Variants in COL4A6 observed in about 807,000 individuals in gnomAD.
The protein encoded by COL4A6 is collagen alpha-6(IV) chain.
In COL4A6, 59 loss-of-function variants were observed where a neutral mutation model predicts 126.7. That is an observed-to-expected ratio of 0.47 (90% confidence interval 0.38 to 0.58). The LOEUF is 0.58. Ranked by LOEUF, COL4A6 falls within the 20% of genes least tolerant of loss-of-function variation. COL4A6 has a pLI of 0.00. For missense variants in COL4A6, 1,285 were observed against 1,337.3 expected, an observed-to-expected ratio of 0.96 and a Z score of 0.61; for synonymous variants, 547 against 496.6, an observed-to-expected ratio of 1.10 and a Z score of -1.35.
intron 2 of COL4A6, among the ~76,000 whole-genome samples, chrX:108,380,859 T>C (rs1031839686): frequency 8.9e-6 from 1 of 111,940 alleles, no homozygotes; most frequent in African/African-American, 3.2e-5. Flanking sequence ...TCCTCATCTG[T>C]AAAAAGAGGA....
At chrX:108,342,910 T>C (rs1306363643) in intron 2 of COL4A6, among the ~76,000 whole-genome samples, 1 of 109,291 alleles carries the variant, frequency 9.1e-6, no homozygotes, top group African/African-American at 3.3e-5. Flanking sequence ...CTGCATTATC[T>C]ACTGGGGATA....
intron 23 of COL4A6, chrX:108,183,837 T>A: frequency 1.4e-6 from 1 of 728,918 alleles, no homozygotes; most frequent in Non-Finnish European, 1.8e-6. Flanking sequence ...CCAAGGGAAG[T>A]CTTCTCAGCA....
chrX:108,212,355 G>T (rs941075897), intron 6 of COL4A6, among the ~76,000 whole-genome samples: 2 of 111,347 alleles, frequency 1.8e-5, no homozygotes, highest in Non-Finnish European at 3.8e-5. Context: ...CAGATTCAAA[G>T]TCTGTCTAAG....
chrX:108,350,772 AT>A (rs143895014), intron 2 of COL4A6, among the ~76,000 whole-genome samples: 42 of 107,315 alleles, frequency 3.9e-4, no homozygotes, highest in African/African-American at 1.2e-3. Flanking sequence ...TCTGTAATTG[AT>A]TTTTTTTTTG....
At chrX:108,355,567 C>T (rs1405818639) in intron 2 of COL4A6, among the ~76,000 whole-genome samples, 1 of 111,920 alleles carries the variant, frequency 8.9e-6, no homozygotes. Context: ...AAATAAAAAA[C>T]TAGATAATTA....
At chrX:108,369,127 G>T (rs374831422) in intron 2 of COL4A6, among the ~76,000 whole-genome samples, 1 of 111,469 alleles carries the variant, frequency 9.0e-6, no homozygotes, top group African/African-American at 3.3e-5. Context: ...CAGTGCAATA[G>T]CTTTGTTTAC....
intron 3 of COL4A6, among the ~76,000 whole-genome samples, chrX:108,277,607 C>T (rs1165032886): frequency 7.4e-4 from 83 of 112,243 alleles, no homozygotes; most frequent in Non-Finnish European, 1.1e-3. Context: ...CAGACTTAAA[C>T]GTCCCTGTCT....
chrX:108,171,549 T>C, intron 32 of COL4A6, 88 bp from the exon 33 acceptor site: 4 of 794,554 alleles, frequency 5.0e-6, no homozygotes, highest in Non-Finnish European at 7.4e-6. Flanking sequence ...ATTTTTTTTT[T>C]CAGATTCAGT....
intron 3 of COL4A6, among the ~76,000 whole-genome samples, chrX:108,302,175 A>G (rs1478337462): frequency 1.8e-5 from 2 of 111,257 alleles, no homozygotes; most frequent in Non-Finnish European, 1.9e-5. Flanking sequence ...TCTCTCCCCC[A>G]TATATTAATG....
At chrX:108,403,685 G>C (rs2041144280) in intron 2 of COL4A6, among the ~76,000 whole-genome samples, 1 of 110,871 alleles carries the variant, frequency 9.0e-6, no homozygotes, top group Non-Finnish European at 1.9e-5. Flanking sequence ...CTCATCTTTG[G>C]AATATATCCC....
At chrX:108,250,173 TCCAATTC>T (rs1340570672) in intron 3 of COL4A6, among the ~76,000 whole-genome samples, 2 of 111,129 alleles carry the variant, frequency 1.8e-5, no homozygotes, top group South Asian at 7.8e-4. Flanking sequence ...CTAAACAATT[TCCAATTC>T]GCTTTAATGT....
At chrX:108,286,655 C>T (rs2038013674) in intron 3 of COL4A6, among the ~76,000 whole-genome samples, 2 of 111,472 alleles carry the variant, frequency 1.8e-5, no homozygotes, top group Non-Finnish European at 3.8e-5. Context: ...CACTGCAGCC[C>T]TGAGCTCCTG....
At chrX:108,195,816 G>A (rs908679582) in intron 14 of COL4A6, among the ~76,000 whole-genome samples, 2 of 111,251 alleles carry the variant, frequency 1.8e-5, no homozygotes, top group East Asian at 2.8e-4. Flanking sequence ...GACAAGGAGC[G>A]GGGGAAAGTA....
intron 3 of COL4A6, among the ~76,000 whole-genome samples, chrX:108,241,073 C>T (rs185193838): frequency 1.2e-3 from 130 of 110,394 alleles, no homozygotes; most frequent in Middle Eastern, 4.7e-3. Flanking sequence ...GTTAACTTTA[C>T]GCTTATGATT....
intron 2 of COL4A6, among the ~76,000 whole-genome samples, chrX:108,376,983 GA>G: frequency 8.9e-6 from 1 of 112,497 alleles, no homozygotes; most frequent in East Asian, 2.8e-4. Flanking sequence ...GGGCCCAGGG[GA>G]CCAGCGTTCA....
intron 11 of COL4A6, among the ~76,000 whole-genome samples, 181 bp downstream of exon 11, chrX:108,205,258 T>C (rs1319991123): frequency 2.7e-5 from 3 of 111,316 alleles, no homozygotes; most frequent in African/African-American, 9.8e-5. Flanking sequence ...CAATAGCCCA[T>C]GTGTGGCATG....
intron 6 of COL4A6, 64 bp downstream of exon 6, chrX:108,214,048 A>C (rs1288616822): frequency 1.0e-6 from 1 of 988,338 alleles, no homozygotes; most frequent in Non-Finnish European, 1.4e-6. Flanking sequence ...GAGAGGCAGA[A>C]AAAGGGCACA....
In COL4A6 at chrX:108,204,374, T is replaced by G. The variant is rs149989161; in HGVS notation, c.726A>C (p.Pro242=). The G allele has an allele frequency of 4.9e-5, 59 of 1,205,945 alleles. No individual in the cohort carries two copies. The African/African-American group carries it at 6.1e-4, about 12-fold the overall frequency. Residue 242 remains proline (P), a synonymous_variant, in exon 12 of 45, where the codon CCA becomes CCC. Transcript: ENST00000334504. The part of the protein sequence containing the change: ...VGLPGPAGPP[P]STGELEFMGF... ...CCATGAATTCCAGCTCTCCAGTAGA[T>G]GGTGGAGGTCCTGCTGGGCCAGGGA...
chrX:108,162,455 AAAGAAGAAGAAG>A (rs201067756), intron 41 of COL4A6, among the ~76,000 whole-genome samples: 1 of 108,082 alleles, frequency 9.3e-6, no homozygotes, highest in African/African-American at 3.4e-5. Context: ...ACGAAGAAGA[AAAGAAGAAGAAG>A]AAGAAGAAGA....
Sources: allele counts gnomAD v4.1 joint callset (sites outside exome capture counted in the v4.1 genomes callset), GRCh38; gene constraint gnomAD v4.1.1; transcripts MANE v1.5; gene names NCBI Gene and HGNC (gene_info 2026-07-23, HGNC 2026-07-21).